CDC16: variants seen among roughly 807,000 people sequenced by gnomAD.
The protein encoded by CDC16 is cell division cycle 16, also known as cell division cycle protein 16 homolog.
CDC16 carries 34 observed loss-of-function variants against 87.0 expected under a neutral mutation model. The observed-to-expected ratio is 0.39, with a 90% CI of 0.30 to 0.52. The LOEUF (loss-of-function observed/expected upper bound fraction) is 0.52. CDC16 is among the 20% of genes least tolerant of loss of function. The probability of loss-of-function intolerance (pLI) is 0.74; values close to 1 mark genes in which losing one functional copy is unlikely to be tolerated. For synonymous variants in CDC16, 263 were observed against 260.6 expected (o/e 1.01, Z -0.09); for missense variants, 653 against 751.9 (o/e 0.87, Z 1.54).
chr13:114,246,319 G>C (rs930354852), intron 10 of CDC16, among the ~76,000 whole-genome samples: 21 of 152,230 alleles, frequency 1.4e-4, no homozygotes, highest in African/African-American at 4.3e-4. Flanking sequence ...AAAATACTTA[G>C]CGTATAGCAA....
At position 114,234,988 on chromosome 13, in the gene CDC16, G is replaced by GC; in HGVS notation, c.-96dup. 9.8e-7 allele frequency: 1 copy of GC among 1,019,472 alleles called. No homozygotes were observed. Among genetic ancestry groups the GC allele is most frequent in the African/African-American group, 1.7e-5 (1 of 59,408 alleles). 63.2% of individuals were successfully genotyped at this position (1,019,472 alleles called of 1,614,324 possible). On this transcript the variant is annotated 5_prime_UTR_variant, in exon 1 of 18. Coordinates refer to ENST00000356221, the MANE Select transcript of CDC16 (RefSeq NM_001078645.3). ...TTCGAGTCCTGGGGCGGCGGCGGCG[G>GC]CTGCAGGCACGGGCACGGGCACGGG... is the stretch of plus-strand genomic sequence containing the variant.
chr13:114,260,077 T>A (rs1327754042), intron 14 of CDC16, among the ~76,000 whole-genome samples: 1 of 152,216 alleles, frequency 6.6e-6, no homozygotes, highest in Non-Finnish European at 1.5e-5. Context: ...GCCTGTTTTG[T>A]TTCATTCTAT....
In CDC16 at chr13:114,269,789, C is replaced by T. The variant is rs187879489; in HGVS notation, c.1604-2395C>T. ...GCGCCATCTCGGCTTACTGCAACCT[C>T]TGCCTCCTGGGTTCAAGCAATTCTC... On this transcript the variant is annotated intron_variant, in intron 17 of 17. Coordinates refer to ENST00000356221, the MANE Select transcript of CDC16 (RefSeq NM_001078645.3). 2.4e-3 allele frequency among the ~76,000 whole-genome samples: 358 copies of T among 152,330 alleles called. 4 individuals carry two copies. Among genetic ancestry groups the T allele is most frequent in the Middle Eastern group, 0.017 (5 of 294 alleles).
chr13:114,235,109 C>A lies in CDC16; in HGVS notation c.25C>A (p.Arg9Ser). The change falls in exon 1 of 18, where the codon CGC becomes AGC. Residue 9 changes from arginine to serine, a missense_variant. By Grantham distance (110) the Arg-to-Ser change is moderately radical. Transcript: ENST00000356221. ...CATGAACCTAGAGCGGCTGCGGAAG[C>A]GCGTCCGGCAGTACCTCGACCAGGT... is the stretch of plus-strand genomic sequence containing the variant. MNLERLRK[R>S]VRQYLDQQQY... The A allele has an allele frequency of 8.0e-7, 1 of 1,245,334 alleles. No individual in the cohort carries two copies. Among genetic ancestry groups the A allele is most frequent in the Non-Finnish European group, 1.0e-6 (1 of 995,280 alleles). 77.1% of individuals were successfully genotyped at this position (1,245,334 alleles called of 1,614,324 possible). A position where few individuals can be genotyped will look rare whatever the true frequency, so the allele number is the denominator to read the frequency against.
chr13:114,244,825 G>A (rs2138925026), intron 8 of CDC16, 65 bp from the exon 9 acceptor site: 1 of 937,650 alleles, frequency 1.1e-6, no homozygotes, highest in Middle Eastern at 2.1e-4. Flanking sequence ...TCTACACATA[G>A]CCGATCGTCG....
intron 11 of CDC16, among the ~76,000 whole-genome samples, chr13:114,248,511 T>C (rs751873823): frequency 6.6e-6 from 1 of 152,034 alleles, no homozygotes; most frequent in Non-Finnish European, 1.5e-5. Flanking sequence ...TGAAAGTCTG[T>C]CTCTACTAAA....
rs1232076562 is a variant in CDC16, at chr13:114,257,184, C to T, written c.1204C>T (p.Pro402Ser). ...AGCTCTGAGCATTGCACCGGAAGAC[C>T]CTTTTGTTATGCATGAGGTCGGCGT... Reference protein sequence around the residue: ...SQALSIAPEDPFVMHEVGVVA... With the variant: ...SQALSIAPEDSFVMHEVGVVA... Residue 402 changes from proline to serine, a missense_variant, in exon 13 of 18, where the codon CCT becomes TCT. Physicochemically the swap from Pro to Ser is moderately conservative, Grantham distance 74. Coordinates refer to ENST00000356221, the MANE Select transcript of CDC16 (RefSeq NM_001078645.3). 1 of 1,613,210 alleles carries T rather than the reference C, an allele frequency of 6.2e-7. No homozygotes were observed.
At chr13:114,255,655 AAC>A (rs2082451557) in intron 12 of CDC16, among the ~76,000 whole-genome samples, 1 of 151,636 alleles carries the variant, frequency 6.6e-6, no homozygotes, top group Non-Finnish European at 1.5e-5. Context: ...AAGAATACTC[AAC>A]CTGTACATAG....
At chr13:114,255,755 G>A (rs945469846) in intron 12 of CDC16, among the ~76,000 whole-genome samples, 3 of 152,058 alleles carry the variant, frequency 2.0e-5, no homozygotes, top group Admixed American at 1.3e-4. Context: ...GGATCCTTCC[G>A]CCTCAGCCTC....
chr13:114,257,514 C>G (rs890633989), intron 13 of CDC16, among the ~76,000 whole-genome samples: 1 of 152,116 alleles, frequency 6.6e-6, no homozygotes, highest in African/African-American at 2.4e-5. Flanking sequence ...GCTGGGGGCA[C>G]TGTGGAATCC....
intron 11 of CDC16, among the ~76,000 whole-genome samples, chr13:114,249,938 GTTACA>G (rs1347779044): frequency 1.3e-5 from 2 of 151,444 alleles, no homozygotes; most frequent in Non-Finnish European, 2.9e-5. Context: ...CAACACAAAT[GTTACA>G]TTAGTGTTTA....
rs769019067 is a variant in CDC16 at position 114,247,007 on chromosome 13, A to G, written c.971+3A>G. The G allele has an allele frequency of 3.8e-6, 6 of 1,597,632 alleles. No individual in the cohort carries two copies. The highest frequency in any genetic ancestry group is 4.3e-6 in the Non-Finnish European group (5 of 1,165,230). ...GAACATGCCAGAAGATATCTCAGGT[A>G]TGAATTTATTTTTTTCCTCTCTAGT... On this transcript the variant is annotated splice_donor_region_variant and intron_variant, in intron 11 of 17. Transcript: ENST00000356221.
Position 114,272,404 on chromosome 13 carries a change from C to A in CDC16, c.1824C>A (p.Asp608Glu). ...TTGAAATTGAAATGAATGAAAGTGA[C>A]ATGATGTTAGAGACATCTATGTCAG... is the stretch of plus-strand genomic sequence containing the variant. Reference protein sequence around the residue: ...ETFEIEMNESDMMLETSMSDH... With the variant: ...ETFEIEMNESEMMLETSMSDH... Residue 608 changes from aspartate (D) to glutamate (E), a missense_variant, in exon 18 of 18, where the codon GAC becomes GAA. Asp to Glu is a conservative substitution (Grantham distance 45). Coordinates refer to ENST00000356221, the MANE Select transcript of CDC16 (RefSeq NM_001078645.3). The A allele has an allele frequency of 6.2e-7, 1 of 1,614,044 alleles. No homozygotes were observed. The highest frequency in any genetic ancestry group is 8.5e-7 in the Non-Finnish European group (1 of 1,179,872).
intron 17 of CDC16, among the ~76,000 whole-genome samples, chr13:114,270,914 CT>C (rs571053869): frequency 0.046 from 4,634 of 101,066 alleles, 25 homozygotes; most frequent in Admixed American, 0.073. Flanking sequence ...AGAGATTTAC[CT>C]TTTTTTTTTT....
rs1245328412 is a variant in CDC16, at chr13:114,235,243, C to CA, written c.48+111_48+112insA. ...GGCTCTTGGTGGGGAAGGACTGGGCCGGCCCTGGGCCTTCATCTGGGGCCA... is the reference window on the plus strand; with the variant it reads ...GGCTCTTGGTGGGGAAGGACTGGGCCAGGCCCTGGGCCTTCATCTGGGGCCA... On this transcript the variant is annotated intron_variant, in intron 1 of 17. Transcript: ENST00000356221. The CA allele has an allele frequency of 5.5e-6, 4 of 733,764 alleles. No homozygotes were observed. The African/African-American group carries it at 7.3e-5, about 13-fold the overall frequency. 45.5% of individuals were successfully genotyped at this position (733,764 alleles called of 1,614,324 possible). A position where few individuals can be genotyped will look rare whatever the true frequency, so the allele number is the denominator to read the frequency against.
intron 17 of CDC16, among the ~76,000 whole-genome samples, chr13:114,268,112 G>C (rs1220540717): frequency 6.6e-6 from 1 of 152,020 alleles, no homozygotes; most frequent in Non-Finnish European, 1.5e-5. Flanking sequence ...GTCCACCAAG[G>C]GTCCCGAGTT....
At chr13:114,266,938 C>T (rs17338347) in intron 17 of CDC16, among the ~76,000 whole-genome samples, 25 of 151,900 alleles carry the variant, frequency 1.6e-4, no homozygotes, top group African/African-American at 5.1e-4. Context: ...CCTTGTGATC[C>T]GCCCTCCTCG....
intron 13 of CDC16, among the ~76,000 whole-genome samples, chr13:114,258,574 A>C (rs896356829): frequency 6.6e-6 from 1 of 152,236 alleles, no homozygotes; most frequent in Non-Finnish European, 1.5e-5. Context: ...GAGAAGCTTC[A>C]TTCAAGCAGG....
At chr13:114,236,745 C>T (rs766050993) in intron 2 of CDC16, 46 bp downstream of exon 2, 14 of 1,612,392 alleles carry the variant, frequency 8.7e-6, no homozygotes, top group East Asian at 2.2e-5. Flanking sequence ...TCTTAAAATT[C>T]GTTTTCTATT....
Sources: allele counts gnomAD v4.1 joint callset (sites outside exome capture counted in the v4.1 genomes callset), GRCh38; gene constraint gnomAD v4.1.1; transcripts MANE v1.5; gene names NCBI Gene and HGNC (gene_info 2026-07-23, HGNC 2026-07-21).